The following ACACA variants were observed in gnomAD, a reference collection of about 807,000 sequenced individuals.
ACACA encodes the protein acetyl-CoA carboxylase alpha.
ACACA carries 103 observed loss-of-function variants against 296.1 expected under a neutral mutation model. The ratio of observed to expected loss-of-function variants is 0.35; its 90% CI spans 0.30 to 0.41. The LOEUF is 0.41. Ranked by LOEUF, ACACA falls within the 10% of genes least tolerant of loss-of-function variation. The probability of loss-of-function intolerance (pLI) is 1.00; values close to 1 mark genes in which losing one functional copy is unlikely to be tolerated. For synonymous variants in ACACA, 953 were observed against 1,038.6 expected, an observed-to-expected ratio of 0.92 and a Z score of 1.58; for missense variants, 1,554 against 2,989.7, an observed-to-expected ratio of 0.52 and a Z score of 11.20.
chr17:37,260,296 A>ATATATT (rs2081443114), intron 11 of ACACA, among the ~76,000 whole-genome samples: 2 of 18,984 alleles, frequency 1.1e-4, no homozygotes, highest in Non-Finnish European at 1.8e-4. Flanking sequence ...ATATATATAT[A>ATATATT]TTTTTTTTTT....
intron 52 of ACACA, among the ~76,000 whole-genome samples, chr17:37,109,085 G>A (rs2073847352): frequency 6.6e-6 from 1 of 152,138 alleles, no homozygotes; most frequent in Non-Finnish European, 1.5e-5. Flanking sequence ...AAAGAATTTT[G>A]GTAGTTTGGT....
chr17:37,375,414 G>A (rs961531502), intron 1 of ACACA, among the ~76,000 whole-genome samples: 11 of 152,066 alleles, frequency 7.2e-5, no homozygotes, highest in Non-Finnish European at 1.6e-4. Context: ...GTGAACCTGG[G>A]AGACAGAGCT....
intron 1 of ACACA, chr17:37,368,558 G>A (rs1376332738): frequency 6.6e-6 from 1 of 152,230 alleles, no homozygotes; most frequent in Non-Finnish European, 1.5e-5. Context: ...TCCAGCCTGG[G>A]TGACAAGAGC....
chr17:37,389,201 C>T, intron 1 of ACACA: 1 of 1,543,100 alleles, frequency 6.5e-7, no homozygotes. Context: ...AAACCAAATG[C>T]TTACCAGCCA....
chr17:37,207,617 A>G, intron 31 of ACACA, 40 bp downstream of exon 31: 2 of 1,612,534 alleles, frequency 1.2e-6, no homozygotes, highest in Non-Finnish European at 1.7e-6. Context: ...ACAGATGTCC[A>G]TGGCTCCCCT....
At chr17:37,365,555 G>C in intron 1 of ACACA, 3 of 985,424 alleles carry the variant, frequency 3.0e-6, no homozygotes, top group Non-Finnish European at 3.6e-6. Context: ...AATTCATCAA[G>C]AAAGTCAGTG....
Position 37,113,355 on chromosome 17 carries a change from G to A in ACACA, c.6275-90C>T. The A allele has an allele frequency of 2.2e-6, 3 of 1,383,260 alleles. No homozygotes were observed. The highest frequency in any genetic ancestry group is 3.0e-6 in the Non-Finnish European group (3 of 990,510). 85.7% of individuals were successfully genotyped at this position (1,383,260 alleles called of 1,614,324 possible). On this transcript the variant is annotated intron_variant, in intron 50 of 55. Transcript: ENST00000616317. This position sits in a 1 kb window ranked among gnomAD's most constrained non-coding sequence, Gnocchi z 4.0. Reference sequence around the variant, plus strand: ...ACTGTTCAGGACCTCTGGCCACGAAGAGCCTCCTTATACTATGCCTCCTGT... The same window carrying A: ...ACTGTTCAGGACCTCTGGCCACGAAAAGCCTCCTTATACTATGCCTCCTGT...
At chr17:37,151,639 C>T (rs1283324373) in intron 43 of ACACA, among the ~76,000 whole-genome samples, 5 of 151,970 alleles carry the variant, frequency 3.3e-5, no homozygotes, top group South Asian at 2.1e-4. Context: ...ATAGAAAGAG[C>T]GAAATCTGGA....
intron 3 of ACACA, among the ~76,000 whole-genome samples, chr17:37,308,704 A>T (rs1206940434): frequency 6.6e-6 from 1 of 152,126 alleles, no homozygotes; most frequent in African/African-American, 2.4e-5. Context: ...TTGGAAGGCC[A>T]AGGCAGGTGG....
At chr17:37,151,950 G>A (rs780649258) in intron 43 of ACACA, among the ~76,000 whole-genome samples, 2 of 151,712 alleles carry the variant, frequency 1.3e-5, no homozygotes, top group African/African-American at 4.8e-5. Context: ...GTGAGCCACC[G>A]CGCCCGGCCT....
intron 45 of ACACA, among the ~76,000 whole-genome samples, chr17:37,142,012 G>T (rs117959887): frequency 0.064 from 8,278 of 130,130 alleles, 526 homozygotes; most frequent in African/African-American, 0.17. Flanking sequence ...GTTTTTTTTT[G>T]TTTTTTTTTT....
intron 3 of ACACA, among the ~76,000 whole-genome samples, chr17:37,316,893 C>T (rs756640414): frequency 2.0e-5 from 3 of 151,672 alleles, no homozygotes; most frequent in African/African-American, 4.9e-5. Context: ...GCCAACATGG[C>T]GAAACCGTGT....
chr17:37,109,890 A>C (rs2073889640), intron 52 of ACACA, among the ~76,000 whole-genome samples: 1 of 152,224 alleles, frequency 6.6e-6, no homozygotes, highest in African/African-American at 2.4e-5. Context: ...CCAGTTAATG[A>C]GTAGGAATTC....
At position 37,275,879 on chromosome 17, in the gene ACACA, A is replaced by C. The variant is rs540866567; in HGVS notation, c.901+72T>G. The C allele has an allele frequency of 4.0e-5, 53 of 1,315,340 alleles. 1 individual carries two copies. The South Asian group carries it at 6.0e-4, about 15-fold the overall frequency. 81.5% of individuals were successfully genotyped at this position (1,315,340 alleles called of 1,614,324 possible). On this transcript the variant is annotated intron_variant, in intron 8 of 55. Coordinates refer to ENST00000616317, the MANE Select transcript of ACACA (RefSeq NM_198834.3). Reference sequence around the variant, plus strand: ...TGTCAAGTATACCAATACTTTTTCAAAAGAGGTAAGTCCCAAATATCCTAC... The same window carrying C: ...TGTCAAGTATACCAATACTTTTTCACAAGAGGTAAGTCCCAAATATCCTAC...
chr17:37,283,951 C>T (rs758140844), intron 4 of ACACA, among the ~76,000 whole-genome samples: 4 of 152,214 alleles, frequency 2.6e-5, no homozygotes, highest in Non-Finnish European at 2.9e-5. Context: ...CTGAGACTTT[C>T]TGTAAACAAA....
chr17:37,406,754 C>G lies in ACACA; in HGVS notation c.-455G>C, dbSNP rs2051530561. 6.1e-6 allele frequency: 1 copy of G among 162,764 alleles called. No homozygotes were observed. Among genetic ancestry groups the G allele is most frequent in the South Asian group, 1.7e-4 (1 of 5,966 alleles). 10.1% of individuals were successfully genotyped at this position (162,764 alleles called of 1,614,324 possible). A position where few individuals can be genotyped will look rare whatever the true frequency, so the allele number is the denominator to read the frequency against. On this transcript the variant is annotated 5_prime_UTR_variant, in exon 1 of 56. Transcript: ENST00000616317. Reference sequence around the variant, plus strand: ...CACGGGGACAGCAGCAGGCGCGCGGCGGGGACCGGGAAAAGGCCAAGAGGG... The same window carrying G: ...CACGGGGACAGCAGCAGGCGCGCGGGGGGGACCGGGAAAAGGCCAAGAGGG...
At chr17:37,139,328 GA>G (rs2143756806) in intron 45 of ACACA, among the ~76,000 whole-genome samples, 1 of 152,318 alleles carries the variant, frequency 6.6e-6, no homozygotes, top group African/African-American at 2.4e-5. Context: ...GTGTGAGGTA[GA>G]GGCATTTCTT....
In ACACA at chr17:37,207,654, T is replaced by C; in HGVS notation, c.3851+3A>G. The C allele has an allele frequency of 6.2e-6, 10 of 1,613,906 alleles. No homozygotes were observed. The highest frequency in any genetic ancestry group is 8.5e-6 in the Non-Finnish European group (10 of 1,179,844). On this transcript the variant is annotated splice_donor_region_variant and intron_variant, in intron 31 of 55. Coordinates refer to ENST00000616317, the MANE Select transcript of ACACA (RefSeq NM_198834.3). ...GTACAGACATAGTTCCACAATGTCTTACCTGACAAAATCTTCAAAAGTCCG... is the reference window on the plus strand; with the variant it reads ...GTACAGACATAGTTCCACAATGTCTCACCTGACAAAATCTTCAAAAGTCCG...
intron 29 of ACACA, among the ~76,000 whole-genome samples, chr17:37,217,755 A>AAC (rs1014388140): frequency 3.4e-5 from 5 of 145,768 alleles, no homozygotes; most frequent in African/African-American, 7.8e-5. Context: ...AAAAAAAAAA[A>AAC]AAAAAAAAAC....
Sources: gnomAD v4.1 joint callset for allele counts (sites outside exome capture counted in the v4.1 genomes callset) on GRCh38, gnomAD v4.1.1 for gene constraint, Gnocchi (gnomAD v3.1) non-coding constraint, MANE v1.5 for transcripts, NCBI Gene and HGNC (gene_info 2026-07-23, HGNC 2026-07-21) for gene names.